GALNT13: variants seen among roughly 807,000 people sequenced by gnomAD.
GALNT13 encodes the protein polypeptide N-acetylgalactosaminyltransferase 13, also known as UDP-GalNAc:polypeptide N-acetylgalactosaminyltransferase 13.
Under a neutral mutation model 64.2 loss-of-function variants are expected in GALNT13, and 28 were observed. The ratio of observed to expected loss-of-function variants is 0.44; its 90% CI spans 0.32 to 0.60. The LOEUF is 0.60. GALNT13 is among the 20% of genes least tolerant of loss of function. The pLI, the probability that GALNT13 is intolerant of heterozygous loss-of-function variation, is 0.05. For missense variants in GALNT13, 577 were observed against 669.8 expected, an observed-to-expected ratio of 0.86 and a Z score of 1.53; for synonymous variants, 214 against 224.6, an observed-to-expected ratio of 0.95 and a Z score of 0.42.
chr2:153,478,190 A>C, the GALNT13 span: 3 of 1,505,122 alleles, frequency 2.0e-6, no homozygotes. Flanking sequence ...CCGGGCTAGC[A>C]AAGTGGGCAG....
At chr2:153,936,768 T>A (rs2105368386) in intron 2 of GALNT13, among the ~76,000 whole-genome samples, 1 of 152,116 alleles carries the variant, frequency 6.6e-6, no homozygotes, top group Admixed American at 6.5e-5. Flanking sequence ...TCACCCAGGC[T>A]GGAGTGCAGT....
chr2:153,941,177 G>C (rs1207123625), intron 2 of GALNT13, among the ~76,000 whole-genome samples: 1 of 151,984 alleles, frequency 6.6e-6, no homozygotes, highest in Non-Finnish European at 1.5e-5. Flanking sequence ...TGTATTTTTA[G>C]TAGTTACAAG....
the GALNT13 span, among the ~76,000 whole-genome samples, chr2:153,685,975 G>A: frequency 6.6e-6 from 1 of 151,908 alleles, no homozygotes; most frequent in Non-Finnish European, 1.5e-5. Context: ...TTATTTCTGG[G>A]TTCTCTGTTC....
the GALNT13 span, among the ~76,000 whole-genome samples, chr2:153,718,157 G>C: frequency 6.6e-6 from 1 of 151,866 alleles, no homozygotes; most frequent in South Asian, 2.1e-4. Flanking sequence ...TAAAAATCTA[G>C]TTTCATCATT....
chr2:154,191,257 G>GCGCA (rs950695804), intron 4 of GALNT13, among the ~76,000 whole-genome samples: 47 of 152,166 alleles, frequency 3.1e-4, no homozygotes, highest in Non-Finnish European at 2.1e-4. Context: ...ACATTTGCAC[G>GCGCA]CGCACGCACG....
chr2:153,557,957 C>G, the GALNT13 span, among the ~76,000 whole-genome samples: 32 of 152,078 alleles, frequency 2.1e-4, no homozygotes, highest in African/African-American at 7.7e-4. Flanking sequence ...GTGGCATTCC[C>G]TAGGAAAGCC....
chr2:153,790,382 T>C, the GALNT13 span, among the ~76,000 whole-genome samples: 2 of 151,304 alleles, frequency 1.3e-5, no homozygotes, highest in Non-Finnish European at 1.5e-5. Context: ...AAAGCCTTTA[T>C]TATGTTAAAA....
chr2:154,253,589 T>C (rs1690207199), intron 7 of GALNT13, among the ~76,000 whole-genome samples: 1 of 152,162 alleles, frequency 6.6e-6, no homozygotes, highest in Non-Finnish European at 1.5e-5. Flanking sequence ...GAGATTATCC[T>C]GGGCAGTATA....
At chr2:154,176,733 T>C (rs1386056543) in intron 4 of GALNT13, among the ~76,000 whole-genome samples, 1 of 152,206 alleles carries the variant, frequency 6.6e-6, no homozygotes, top group African/African-American at 2.4e-5. Context: ...AGTGTTTCTA[T>C]TATGGCTATT....
At chr2:153,721,106 G>A in the GALNT13 span, among the ~76,000 whole-genome samples, 103 of 147,660 alleles carry the variant, frequency 7.0e-4, no homozygotes, top group African/African-American at 2.3e-3. Flanking sequence ...GACTAACAGC[G>A]GATCTCTCGG....
the GALNT13 span, among the ~76,000 whole-genome samples, chr2:153,378,934 G>A: frequency 6.6e-6 from 1 of 152,068 alleles, no homozygotes; most frequent in Non-Finnish European, 1.5e-5. Flanking sequence ...ATCTTTCAGA[G>A]ATTTTTTTGG....
chr2:153,181,043 T>G, the GALNT13 span, among the ~76,000 whole-genome samples: 1 of 144,154 alleles, frequency 6.9e-6, no homozygotes, highest in Non-Finnish European at 1.5e-5. Flanking sequence ...TTTTTTTTTT[T>G]TTTTTTGCTG....
chr2:153,363,146 T>A, the GALNT13 span, among the ~76,000 whole-genome samples: 1 of 151,736 alleles, frequency 6.6e-6, no homozygotes, highest in African/African-American at 2.4e-5. Flanking sequence ...TGGGTAATAA[T>A]GAAATTAAGG....
the GALNT13 span, among the ~76,000 whole-genome samples, chr2:153,731,435 C>G: frequency 3.3e-5 from 5 of 151,988 alleles, no homozygotes; most frequent in African/African-American, 1.2e-4. Context: ...AAAGCCTAGA[C>G]TTTACCACTG....
Position 154,242,916 on chromosome 2 carries a change from A to C in GALNT13, c.686+11A>C. On this transcript the variant is annotated intron_variant, in intron 6 of 12. Transcript: ENST00000392825. ...AATAAAGGAAGACAGGTAAGAATTTATGTGTTCTGTCTGCCTGGGTTATGA... is the reference window on the plus strand; with the variant it reads ...AATAAAGGAAGACAGGTAAGAATTTCTGTGTTCTGTCTGCCTGGGTTATGA... 6.2e-7 allele frequency: 1 copy of C among 1,609,498 alleles called. No individual in the cohort carries two copies. Among genetic ancestry groups the C allele is most frequent in the Non-Finnish European group, 8.5e-7 (1 of 1,176,064 alleles).
chr2:154,385,784 A>G (rs1407480607), intron 9 of GALNT13, among the ~76,000 whole-genome samples: 1 of 151,972 alleles, frequency 6.6e-6, no homozygotes, highest in East Asian at 1.9e-4. Context: ...ATAATGGTCC[A>G]ATATGGCTTT....
the GALNT13 span, among the ~76,000 whole-genome samples, chr2:153,647,915 G>C: frequency 6.6e-6 from 1 of 152,152 alleles, no homozygotes; most frequent in African/African-American, 2.4e-5. Context: ...CTCCAGCTTT[G>C]TTCTTTTGGC....
chr2:154,144,583 A>C (rs1683455186), intron 4 of GALNT13, among the ~76,000 whole-genome samples: 6 of 152,140 alleles, frequency 3.9e-5, no homozygotes, highest in Admixed American at 3.3e-4. Context: ...ATTCATTCAA[A>C]TATCTAATCA....
At chr2:153,557,877 C>T in the GALNT13 span, among the ~76,000 whole-genome samples, 665 of 152,194 alleles carry the variant, frequency 4.4e-3, 2 homozygotes, top group African/African-American at 0.015. Flanking sequence ...ACAGTCCCCT[C>T]GGCCTGGGAA....
Sources: allele counts gnomAD v4.1 joint callset (sites outside exome capture counted in the v4.1 genomes callset), GRCh38; gene constraint gnomAD v4.1.1; transcripts MANE v1.5; gene names NCBI Gene and HGNC (gene_info 2026-07-23, HGNC 2026-07-21).